Variants in PCSK5 observed in about 807,000 individuals in gnomAD.
PCSK5 encodes the protein prohormone convertase 5.
A neutral mutation model predicts 233.2 loss-of-function variants in PCSK5; 129 were observed. That is an observed-to-expected ratio of 0.55 (90% CI 0.48 to 0.64). The LOEUF (loss-of-function observed/expected upper bound fraction) is 0.64. Among genes scored for constraint, PCSK5 ranks in the 30% least tolerant of loss-of-function variants. The probability of loss-of-function intolerance (pLI) is 0.00; values close to 1 mark genes in which losing one functional copy is unlikely to be tolerated. For synonymous variants in PCSK5, 825 were observed against 879.2 expected (o/e 0.94, Z 1.09); for missense variants, 2,076 against 2,430.1 (o/e 0.85, Z 3.06).
At chr9:76,061,031 C>A (rs1453936858) in intron 5 of PCSK5, among the ~76,000 whole-genome samples, 2 of 152,096 alleles carry the variant, frequency 1.3e-5, no homozygotes, top group Non-Finnish European at 1.5e-5. Context: ...CACTAAATAT[C>A]TTTTTTTAAC....
intron 37 of PCSK5, among the ~76,000 whole-genome samples, chr9:76,356,836 A>T (rs1281543000): frequency 2.0e-5 from 3 of 152,234 alleles, no homozygotes; most frequent in African/African-American, 7.2e-5. Flanking sequence ...TCTAGAATGA[A>T]TATACCTAGA....
intron 3 of PCSK5, among the ~76,000 whole-genome samples, chr9:76,018,645 GCTATT>G (rs10577761): frequency 0.045 from 6,806 of 152,216 alleles, 250 homozygotes; most frequent in East Asian, 0.18. Context: ...GTTGGGGACC[GCTATT>G]CTAAAGAACT....
intron 2 of PCSK5, among the ~76,000 whole-genome samples, chr9:75,962,709 A>G (rs1266412267): frequency 2.0e-5 from 3 of 152,206 alleles, no homozygotes; most frequent in African/African-American, 4.8e-5. Flanking sequence ...ATGGGCACAC[A>G]TAATTTGGCC....
At chr9:76,109,506 ATAACC>A (rs2131685265) in intron 9 of PCSK5, among the ~76,000 whole-genome samples, 1 of 151,626 alleles carries the variant, frequency 6.6e-6, no homozygotes, top group East Asian at 1.9e-4. Flanking sequence ...TATGCCTCAA[ATAACC>A]TAAGATAAGG....
intron 27 of PCSK5, among the ~76,000 whole-genome samples, chr9:76,301,902 T>A (rs1024966927): frequency 1.3e-5 from 2 of 152,088 alleles, no homozygotes; most frequent in Non-Finnish European, 2.9e-5. Context: ...CCTACGAGAT[T>A]TATAGTGTTA....
rs141210123 is a variant in PCSK5, at chr9:76,002,631, A to G, written c.411+16386A>G. 1.9e-3 allele frequency among the ~76,000 whole-genome samples: 288 copies of G among 152,318 alleles called. 2 individuals carry two copies. Among genetic ancestry groups the G allele is most frequent in the African/African-American group, 6.4e-3 (264 of 41,560 alleles). Reference sequence around the variant, plus strand: ...CCCTGACCTATTTTTCAGTTTGTCCAGAGGGTACATTTTTACAGCAAAACA... The same window carrying G: ...CCCTGACCTATTTTTCAGTTTGTCCGGAGGGTACATTTTTACAGCAAAACA... On this transcript the variant is annotated intron_variant, in intron 3 of 37. Coordinates refer to ENST00000674117, the MANE Select transcript of PCSK5 (RefSeq NM_001372043.1).
intron 24 of PCSK5, among the ~76,000 whole-genome samples, chr9:76,259,655 G>A (rs1012466788): frequency 6.6e-6 from 1 of 152,110 alleles, no homozygotes; most frequent in Admixed American, 6.5e-5. Flanking sequence ...TGTTTCATCA[G>A]CTCCTTGAAT....
At chr9:76,218,400 A>G (rs749507794) in intron 20 of PCSK5, among the ~76,000 whole-genome samples, 1 of 152,174 alleles carries the variant, frequency 6.6e-6, no homozygotes, top group African/African-American at 2.4e-5. Flanking sequence ...CACATATGCA[A>G]CCAATACATT....
intron 2 of PCSK5, among the ~76,000 whole-genome samples, chr9:75,955,089 C>CT (rs756026673): frequency 3.3e-5 from 5 of 152,122 alleles, no homozygotes; most frequent in Non-Finnish European, 7.4e-5. Context: ...TGTCAAGCAC[C>CT]TAGTATGTGC....
At chr9:76,026,906 G>C in intron 4 of PCSK5, 55 bp from the exon 5 acceptor site, 2 of 1,194,510 alleles carry the variant, frequency 1.7e-6, no homozygotes, top group Non-Finnish European at 1.2e-6. Flanking sequence ...GTGGGTCATT[G>C]GCTAATTAAT....
chr9:75,908,925 CTCTATCTCTCTCTCTGTCTA>C (rs1426938392), intron 1 of PCSK5, among the ~76,000 whole-genome samples: 1,311 of 103,810 alleles, frequency 0.013, 8 homozygotes, highest in Non-Finnish European at 0.016. Flanking sequence ...CTATCTATCT[CTCTATCTCTCTCTCTGTCTA>C]TCTATCTATC....
intron 3 of PCSK5, among the ~76,000 whole-genome samples, chr9:76,004,784 TC>T (rs1453601501): frequency 6.6e-6 from 1 of 152,212 alleles, no homozygotes; most frequent in African/African-American, 2.4e-5. Flanking sequence ...TTTCAGAAGT[TC>T]CCATCAGTTT....
chr9:76,218,268 C>T (rs1825609388), intron 20 of PCSK5, among the ~76,000 whole-genome samples: 1 of 152,092 alleles, frequency 6.6e-6, no homozygotes, highest in Admixed American at 6.5e-5. Context: ...GGGAGGCTGT[C>T]TCCAGGCGAT....
intron 3 of PCSK5, among the ~76,000 whole-genome samples, chr9:75,994,396 C>CTTTTTTTTTT (rs1826907729): frequency 5.9e-5 from 4 of 68,332 alleles, no homozygotes; most frequent in Non-Finnish European, 8.9e-5. Context: ...TTCTTTCTTT[C>CTTTTTTTTTT]TTTCTTTTTT....
At chr9:76,152,115 C>T (rs916479820) in intron 10 of PCSK5, among the ~76,000 whole-genome samples, 2 of 152,142 alleles carry the variant, frequency 1.3e-5, no homozygotes, top group Admixed American at 6.5e-5. Flanking sequence ...TGCCTGACTG[C>T]CCTCTAGGAA....
intron 2 of PCSK5, among the ~76,000 whole-genome samples, chr9:75,944,208 C>T (rs892958331): frequency 2.0e-5 from 3 of 149,610 alleles, no homozygotes; most frequent in Non-Finnish European, 4.4e-5. Flanking sequence ...TACACATATA[C>T]ATATATATAT....
intron 27 of PCSK5, among the ~76,000 whole-genome samples, chr9:76,297,400 TA>T (rs1480980946): frequency 1.3e-5 from 2 of 152,150 alleles, no homozygotes; most frequent in African/African-American, 4.8e-5. Context: ...AGCTTGCCTT[TA>T]AAAGTTGCTC....
intron 7 of PCSK5, among the ~76,000 whole-genome samples, chr9:76,076,909 T>A (rs1830663596): frequency 6.6e-6 from 1 of 152,090 alleles, no homozygotes; most frequent in African/African-American, 2.4e-5. Flanking sequence ...TTAATAGTAA[T>A]AATAATAATA....
At chr9:76,146,721 G>A (rs1823457675) in intron 10 of PCSK5, among the ~76,000 whole-genome samples, 1 of 151,946 alleles carries the variant, frequency 6.6e-6, no homozygotes, top group African/African-American at 2.4e-5. Flanking sequence ...GTACCTTAGT[G>A]GAAAGAAATA....
Sources: gnomAD v4.1 joint callset for allele counts (sites outside exome capture counted in the v4.1 genomes callset) on GRCh38, gnomAD v4.1.1 for gene constraint, MANE v1.5 for transcripts, NCBI Gene and HGNC (gene_info 2026-07-23, HGNC 2026-07-21) for gene names.